The following P4HA2 variants were observed in gnomAD, a reference collection of about 807,000 sequenced individuals.
P4HA2 encodes prolyl 4-hydroxylase subunit alpha 2.
A neutral mutation model predicts 76.9 loss-of-function variants in P4HA2; 46 were observed. The ratio of observed to expected loss-of-function variants is 0.60; its 90% CI spans 0.47 to 0.76. The LOEUF is 0.76. Ranked by LOEUF, P4HA2 falls within the 30% of genes least tolerant of loss-of-function variation. The pLI, the probability that P4HA2 is intolerant of heterozygous loss-of-function variation, is 0.00. For missense variants in P4HA2, 583 were observed against 669.4 expected (o/e 0.87, Z 1.42); for synonymous variants, 243 against 254.0 (o/e 0.96, Z 0.41).
intron 8 of P4HA2, among the ~76,000 whole-genome samples, chr5:132,206,796 A>G (rs907572300): frequency 6.6e-6 from 1 of 152,246 alleles, no homozygotes; most frequent in Non-Finnish European, 1.5e-5. Context: ...ATAAGGTTAT[A>G]AAAACAAAGG....
In P4HA2 at chr5:132,222,405, C is replaced by T. The variant is rs200406653; in HGVS notation, c.-18-3761G>A. ...TGGGGGGTACCCTACTCTCCTTAGC[C>T]TCAGTCATCACCCTGATCTGAGCCA... On this transcript the variant is annotated intron_variant, in intron 1 of 14. Coordinates refer to ENST00000360568, the MANE Select transcript of P4HA2 (RefSeq NM_001017974.2). 5.3e-5 allele frequency among the ~76,000 whole-genome samples: 8 copies of T among 152,274 alleles called. No individual in the cohort carries two copies. In the East Asian group the frequency reaches 5.8e-4, roughly 11 times the overall value.
intron 1 of P4HA2, among the ~76,000 whole-genome samples, chr5:132,219,429 G>A (rs1754347409): frequency 6.6e-6 from 1 of 152,192 alleles, no homozygotes; most frequent in African/African-American, 2.4e-5. Flanking sequence ...CTCAGGCTGG[G>A]CTGCTGACAT....
chr5:132,223,674 T>C (rs1754942136), intron 1 of P4HA2, among the ~76,000 whole-genome samples: 1 of 152,254 alleles, frequency 6.6e-6, no homozygotes, highest in East Asian at 1.9e-4. Flanking sequence ...TAGTCTGAGA[T>C]AAGCACTATT....
intron 5 of P4HA2, among the ~76,000 whole-genome samples, chr5:132,213,526 T>A (rs1380272963): frequency 1.3e-5 from 2 of 152,130 alleles, no homozygotes; most frequent in African/African-American, 4.8e-5. Context: ...GAGCAGAGAC[T>A]GTAACTAAGA....
Position 132,210,674 on chromosome 5 carries a change from C to T in P4HA2, c.470-151G>A, listed in dbSNP as rs921956955. On this transcript the variant is annotated intron_variant, in intron 5 of 14. Transcript: ENST00000360568. Reference sequence around the variant, plus strand: ...TTAGACTGCATATCCTAAAGGGCCACTGACACAGTGAGCACAGACAGATGG... The same window carrying T: ...TTAGACTGCATATCCTAAAGGGCCATTGACACAGTGAGCACAGACAGATGG... 111 of 784,282 alleles carry T rather than the reference C, an allele frequency of 1.4e-4. 1 individual carries two copies. In the Admixed American group the frequency reaches 2.0e-3, roughly 14 times the overall value. 48.6% of individuals were successfully genotyped at this position (784,282 alleles called of 1,614,324 possible). A position where few individuals can be genotyped will look rare whatever the true frequency, so the allele number is the denominator to read the frequency against.
chr5:132,193,275 C>T, intron 14 of P4HA2, 195 bp from the exon 15 acceptor site: 1 of 546,652 alleles, frequency 1.8e-6, no homozygotes, highest in East Asian at 3.0e-5. Context: ...TGAAATTCTG[C>T]CAGTGGGACA....
At chr5:132,216,162 CAA>C (rs5871448) in intron 4 of P4HA2, among the ~76,000 whole-genome samples, 766 of 63,074 alleles carry the variant, frequency 0.012, 5 homozygotes, top group African/African-American at 0.049. Context: ...GACTCAGTCT[CAA>C]AAAAAAAAAA....
At chr5:132,209,685 A>G (rs12653783) in intron 6 of P4HA2, among the ~76,000 whole-genome samples, 56,069 of 150,232 alleles carry the variant, frequency 0.37, 10,972 homozygotes, top group Non-Finnish European at 0.45. Flanking sequence ...TGAGGCAGGA[A>G]AATCTCATCA....
intron 4 of P4HA2, among the ~76,000 whole-genome samples, chr5:132,215,681 A>G (rs1033917983): frequency 2.6e-5 from 4 of 152,170 alleles, no homozygotes; most frequent in Admixed American, 6.5e-5. Context: ...GAAAAGAGGC[A>G]GTGAAGAGCT....
In P4HA2 at chr5:132,191,074, G is replaced by T. The variant is rs1749869323; in HGVS notation, c.*1936C>A. Among the ~76,000 whole-genome samples, 1 of 152,218 alleles carries T rather than the reference G, an allele frequency of 6.6e-6. No individual in the cohort carries two copies. The highest frequency in any genetic ancestry group is 6.5e-5 in the Admixed American group (1 of 15,290). ...TCTGGTAAGGGCCCCCTGGTTCATA[G>T]ACAGGCATCTTCTTGCTGTGTGTTC... On this transcript the variant is annotated 3_prime_UTR_variant, in exon 15 of 15. Transcript: ENST00000360568.
rs1339377184 is a variant in P4HA2 at position 132,191,072 on chromosome 5, T to C, written c.*1938A>G. Among the ~76,000 whole-genome samples the C allele has an allele frequency of 6.6e-6, 1 of 152,220 alleles. No homozygotes were observed. Among genetic ancestry groups the C allele is most frequent in the African/African-American group, 2.4e-5 (1 of 41,450 alleles). ...TTTCTGGTAAGGGCCCCCTGGTTCA[T>C]AGACAGGCATCTTCTTGCTGTGTGT... is the stretch of plus-strand genomic sequence containing the variant. On this transcript the variant is annotated 3_prime_UTR_variant, in exon 15 of 15. Coordinates refer to ENST00000360568, the MANE Select transcript of P4HA2 (RefSeq NM_001017974.2).
chr5:132,198,379 C>G lies in P4HA2; in HGVS notation c.1307G>C (p.Arg436Pro), dbSNP rs768854780. ...QYEPHFDFSR[R>P]PFDSGLKTEG... Reference sequence around the variant, plus strand: ...TGTTTTGAGGCCGCTGTCAAAAGGTCGCTGCAACAGACAACAACTTTCACC... The same window carrying G: ...TGTTTTGAGGCCGCTGTCAAAAGGTGGCTGCAACAGACAACAACTTTCACC... Residue 436 changes from arginine (R) to proline (P), a missense_variant and splice_region_variant, in exon 12 of 15, where the codon CGA (arginine) becomes CCA (proline). Physicochemically the swap from Arg to Pro is moderately radical, Grantham distance 103 (BLOSUM62 -2). Transcript: ENST00000360568. 2.5e-6 allele frequency: 4 copies of G among 1,613,044 alleles called. No homozygotes were observed. In the South Asian group the frequency reaches 4.4e-5, roughly 18 times the overall value.
chr5:132,210,134 C>A (rs1752863923), intron 6 of P4HA2, 150 bp downstream of exon 6: 2 of 839,014 alleles, frequency 2.4e-6, no homozygotes. Context: ...AGAAGCTGGA[C>A]TGGTCCTAAA....
At chr5:132,202,802 T>C (rs1580671485) in intron 10 of P4HA2, 1 of 152,280 alleles carries the variant, frequency 6.6e-6, no homozygotes, top group East Asian at 1.9e-4. Context: ...TGGGAGTACT[T>C]GGACAAGAAC....
intron 10 of P4HA2, chr5:132,201,122 T>C (rs933507491): frequency 6.6e-6 from 1 of 152,234 alleles, no homozygotes; most frequent in African/African-American, 2.4e-5. Context: ...TGGGGTCAGT[T>C]ATTTGAAAGA....
intron 1 of P4HA2, among the ~76,000 whole-genome samples, chr5:132,222,381 G>C (rs1024858601): frequency 6.6e-6 from 1 of 152,058 alleles, no homozygotes; most frequent in Admixed American, 6.5e-5. Context: ...AGGCAAGTAT[G>C]GGGGGTACCC....
intron 11 of P4HA2, among the ~76,000 whole-genome samples, 191 bp downstream of exon 11, chr5:132,198,688 C>T (rs7701237): frequency 0.34 from 52,196 of 152,048 alleles, 10,039 homozygotes; most frequent in Non-Finnish European, 0.45. Context: ...GGCTCCACTG[C>T]ATTCTGCAGG....
In P4HA2 at chr5:132,210,454, C is replaced by A. The variant is rs769298635; in HGVS notation, c.539G>T (p.Gly180Val). 6.2e-7 allele frequency: 1 copy of A among 1,614,122 alleles called. No homozygotes were observed. Among genetic ancestry groups the A allele is most frequent in the Non-Finnish European group, 8.5e-7 (1 of 1,180,012 alleles). ...FGMGRSAYNE[G>V]DYYHTVLWME... ...CCACAACACCGTATGATAATAGTCC[C>A]CTTCATTGTAGGCCGAGCGGCCCAT... Residue 180 changes from glycine (G) to valine (V), a missense_variant, in exon 6 of 15, where the codon GGG becomes GTG. Coordinates refer to ENST00000360568, the MANE Select transcript of P4HA2 (RefSeq NM_001017974.2).
chr5:132,204,086 T>A lies in P4HA2; in HGVS notation c.1147A>T (p.Lys383Ter). ...VLTVASYRVS[K>*]SSWLEEDDDP... ...GAACCCCTGCTCTTTGCTTACCTTT[T>A]GGAAACCCGGTAGCTGGCGACAGTG... Residue 383 changes from lysine (K) to a stop codon, truncating the protein, a stop_gained, in exon 9 of 15, where the codon AAA (lysine) becomes TAA (stop). Transcript: ENST00000360568. LOFTEE classifies it high-confidence loss of function. 1 of 1,613,444 alleles carries A rather than the reference T, an allele frequency of 6.2e-7. No individual in the cohort carries two copies. Among genetic ancestry groups the A allele is most frequent in the African/African-American group, 1.3e-5 (1 of 75,026 alleles).
Sources: gnomAD v4.1 joint callset for allele counts (sites outside exome capture counted in the v4.1 genomes callset) on GRCh38, gnomAD v4.1.1 for gene constraint, MANE v1.5 for transcripts, NCBI Gene and HGNC (gene_info 2026-07-23, HGNC 2026-07-21) for gene names.